The following STARD3NL variants were observed in gnomAD, a reference collection of about 807,000 sequenced individuals.
The protein encoded by STARD3NL is STARD3 N-terminal like, also known as STARD3 N-terminal-like protein.
In STARD3NL, 17 loss-of-function variants were observed where a neutral mutation model predicts 30.9. That is an observed-to-expected ratio of 0.55 (90% confidence interval 0.38 to 0.82). The LOEUF is 0.82. Among genes scored for constraint, STARD3NL ranks in the 40% least tolerant of loss-of-function variants. The pLI is 0.00. For synonymous variants in STARD3NL, 112 were observed against 100.5 expected (o/e 1.11, Z -0.69); for missense variants, 234 against 277.6 (o/e 0.84, Z 1.12).
intron 1 of STARD3NL, among the ~76,000 whole-genome samples, chr7:38,204,970 A>T (rs958825309): frequency 6.6e-6 from 1 of 151,324 alleles, no homozygotes; most frequent in Non-Finnish European, 1.5e-5. Flanking sequence ...CCAATAACAG[A>T]CTCTGAAATT....
At chr7:38,225,836 G>C (rs2116439848) in intron 7 of STARD3NL, among the ~76,000 whole-genome samples, 1 of 152,042 alleles carries the variant, frequency 6.6e-6, no homozygotes, top group Non-Finnish European at 1.5e-5. Context: ...TGCATTCCTT[G>C]GCTTTCAGCA....
At chr7:38,197,424 C>T (rs1432829323) in intron 1 of STARD3NL, among the ~76,000 whole-genome samples, 1 of 152,002 alleles carries the variant, frequency 6.6e-6, no homozygotes, top group Admixed American at 6.6e-5. Context: ...TGAGGACTCA[C>T]TGTGTTGCCC....
intron 1 of STARD3NL, among the ~76,000 whole-genome samples, chr7:38,197,041 G>A (rs10265931): frequency 0.22 from 33,294 of 152,038 alleles, 4,025 homozygotes; most frequent in Admixed American, 0.34. Context: ...AGACTCAGGA[G>A]GTTGGAGTGT....
intron 1 of STARD3NL, among the ~76,000 whole-genome samples, chr7:38,179,610 A>ATT (rs1284730111): frequency 6.6e-6 from 1 of 152,194 alleles, no homozygotes; most frequent in African/African-American, 2.4e-5. Context: ...GGTTTTAGAG[A>ATT]TTGAGTAGTG....
intron 1 of STARD3NL, among the ~76,000 whole-genome samples, chr7:38,179,374 A>G (rs1019179): frequency 0.22 from 33,236 of 152,244 alleles, 3,990 homozygotes; most frequent in Admixed American, 0.34. Flanking sequence ...AACATACAAT[A>G]TGTTGTCGTG....
intron 1 of STARD3NL, among the ~76,000 whole-genome samples, chr7:38,185,736 GC>G (rs1562595371): frequency 6.6e-6 from 1 of 152,184 alleles, no homozygotes; most frequent in Non-Finnish European, 1.5e-5. Context: ...TTATCAGCTG[GC>G]CCCTGGGAAT....
At chr7:38,219,770 T>G (rs1343511218) in intron 7 of STARD3NL, 110 bp downstream of exon 7, 5 of 831,564 alleles carry the variant, frequency 6.0e-6, no homozygotes, top group Non-Finnish European at 8.0e-6. Context: ...ACATCTAACA[T>G]GCCAGGCATT....
intron 1 of STARD3NL, among the ~76,000 whole-genome samples, chr7:38,189,183 T>C (rs1477312505): frequency 6.6e-6 from 1 of 152,032 alleles, no homozygotes; most frequent in African/African-American, 2.4e-5. Flanking sequence ...AGTGAGAAGA[T>C]TTATTAAGAT....
At chr7:38,184,041 T>C (rs1296513254) in intron 1 of STARD3NL, among the ~76,000 whole-genome samples, 1 of 152,180 alleles carries the variant, frequency 6.6e-6, no homozygotes, top group Non-Finnish European at 1.5e-5. Flanking sequence ...GAATATAGAA[T>C]GTTCTCTAGG....
chr7:38,228,166 A>T (rs1161233218), intron 7 of STARD3NL, among the ~76,000 whole-genome samples: 1 of 152,232 alleles, frequency 6.6e-6, no homozygotes, highest in African/African-American at 2.4e-5. Flanking sequence ...ATGGAACTAC[A>T]GTATTAACCT....
chr7:38,222,623 A>T (rs1310804734), intron 7 of STARD3NL, among the ~76,000 whole-genome samples: 1 of 152,232 alleles, frequency 6.6e-6, no homozygotes, highest in Admixed American at 6.5e-5. Flanking sequence ...AGCATGCCTC[A>T]TCAAACTTTC....
chr7:38,192,442 G>C (rs545310343), intron 1 of STARD3NL, among the ~76,000 whole-genome samples: 6 of 152,150 alleles, frequency 3.9e-5, no homozygotes, highest in Non-Finnish European at 8.8e-5. Flanking sequence ...AATGGGCTTT[G>C]AATTAAGGCT....
intron 1 of STARD3NL, among the ~76,000 whole-genome samples, chr7:38,191,672 T>G (rs1784691781): frequency 6.6e-6 from 1 of 152,244 alleles, no homozygotes; most frequent in African/African-American, 2.4e-5. Flanking sequence ...CTTTGACAGC[T>G]TTGTCAAAAT....
intron 1 of STARD3NL, among the ~76,000 whole-genome samples, chr7:38,202,897 A>G (rs1785256033): frequency 6.6e-6 from 1 of 151,996 alleles, no homozygotes; most frequent in African/African-American, 2.4e-5. Flanking sequence ...TACAAAGGAC[A>G]TGAACTCATC....
At chr7:38,218,648 T>C (rs1232962541) in intron 6 of STARD3NL, among the ~76,000 whole-genome samples, 1 of 152,244 alleles carries the variant, frequency 6.6e-6, no homozygotes, top group Non-Finnish European at 1.5e-5. Context: ...GTCAGTAGCA[T>C]GTATGACACA....
intron 1 of STARD3NL, chr7:38,201,683 CT>C (rs991914359): frequency 4.8e-5 from 7 of 146,488 alleles, no homozygotes; most frequent in Non-Finnish European, 7.6e-5. Context: ...ATCCAGATTT[CT>C]TTTTTTTTGT....
chr7:38,209,295 CT>C (rs1199990149), intron 2 of STARD3NL, among the ~76,000 whole-genome samples: 1 of 143,120 alleles, frequency 7.0e-6, no homozygotes, highest in Admixed American at 6.9e-5. Context: ...TTTTTTTTTT[CT>C]TTTTTGAGAC....
chr7:38,199,880 CTTGA>C (rs1785094941), intron 1 of STARD3NL, among the ~76,000 whole-genome samples: 1 of 152,190 alleles, frequency 6.6e-6, no homozygotes, highest in African/African-American at 2.4e-5. Context: ...AAATTTATAA[CTTGA>C]TTGTGTATGA....
At chr7:38,190,451 TTGTG>T (rs1487403548) in intron 1 of STARD3NL, among the ~76,000 whole-genome samples, 9 of 152,336 alleles carry the variant, frequency 5.9e-5, no homozygotes, top group Admixed American at 5.2e-4. Context: ...TGTATTCATA[TTGTG>T]TGTATGTGTG....
Sources: gnomAD v4.1 joint callset for allele counts (sites outside exome capture counted in the v4.1 genomes callset) on GRCh38, gnomAD v4.1.1 for gene constraint, MANE v1.5 for transcripts, NCBI Gene and HGNC (gene_info 2026-07-23, HGNC 2026-07-21) for gene names.